The following NAV2 variants were observed in gnomAD, a reference collection of about 807,000 sequenced individuals.
NAV2 encodes the protein helicase, APC down-regulated 1.
In NAV2, 54 loss-of-function variants were observed where a neutral mutation model predicts 223.2. The observed-to-expected ratio is 0.24, with a 90% CI of 0.19 to 0.30. NAV2 has a LOEUF of 0.30. Ranked by LOEUF, NAV2 falls within the 10% of genes least tolerant of loss-of-function variation. The probability of loss-of-function intolerance (pLI) is 1.00; values close to 1 mark genes in which losing one functional copy is unlikely to be tolerated. For synonymous variants in NAV2, 1,279 were observed against 1,239.3 expected (o/e 1.03, Z -0.67); for missense variants, 2,806 against 3,147.5 (o/e 0.89, Z 2.60).
chr11:19,439,175 C>T (rs185366121), intron 1 of NAV2, among the ~76,000 whole-genome samples: 1 of 152,242 alleles, frequency 6.6e-6, no homozygotes, highest in Non-Finnish European at 1.5e-5. Flanking sequence ...ACTCCTATGG[C>T]TCGGGAAGTT....
chr11:19,578,380 G>A (rs536585243), intron 1 of NAV2, among the ~76,000 whole-genome samples: 42 of 152,372 alleles, frequency 2.8e-4, no homozygotes, highest in African/African-American at 9.9e-4. Context: ...AAGCCAGGCA[G>A]TTGCAGATGT....
At chr11:19,708,809 G>A (rs1158882759), upstream of NAV2, among the ~76,000 whole-genome samples, 2 of 150,400 alleles carry the variant, frequency 1.3e-5, no homozygotes, top group Non-Finnish European at 2.9e-5. Context: ...CAAGTTCTGA[G>A]CCAGAAGAAA....
At chr11:20,049,232 A>G (rs760855195) in intron 15 of NAV2, 37 bp downstream of exon 15, 1 of 1,396,110 alleles carries the variant, frequency 7.2e-7, no homozygotes, top group Non-Finnish European at 9.8e-7. Context: ...TCTCAGAAAG[A>G]CACCCTTCCA....
At chr11:19,527,736 T>C (rs1352342441) in intron 1 of NAV2, among the ~76,000 whole-genome samples, 3 of 152,002 alleles carry the variant, frequency 2.0e-5, no homozygotes, top group Non-Finnish European at 1.5e-5. Flanking sequence ...GTATATGATG[T>C]CTTTTTGTCT....
intron 1 of NAV2, among the ~76,000 whole-genome samples, chr11:19,653,520 A>C (rs977935649): frequency 6.6e-6 from 1 of 152,206 alleles, no homozygotes; most frequent in Non-Finnish European, 1.5e-5. Flanking sequence ...AACTCAGGTG[A>C]TGCAGCTTAT....
intron 1 of NAV2, among the ~76,000 whole-genome samples, chr11:19,782,966 G>A (rs1269088051): frequency 6.6e-6 from 1 of 152,228 alleles, no homozygotes; most frequent in Non-Finnish European, 1.5e-5. Flanking sequence ...AGTGGGACAA[G>A]GGTAAGCACC....
chr11:19,747,386 A>G (rs1187746164), intron 1 of NAV2, among the ~76,000 whole-genome samples: 1 of 152,188 alleles, frequency 6.6e-6, no homozygotes, highest in Non-Finnish European at 1.5e-5. Context: ...TAGGAGGAGT[A>G]GGAATAATTA....
intron 1 of NAV2, among the ~76,000 whole-genome samples, chr11:19,465,903 G>A (rs1441538431): frequency 1.3e-5 from 2 of 152,184 alleles, no homozygotes; most frequent in African/African-American, 4.8e-5. Context: ...GAGCTCAGAA[G>A]GGAATCAGTA....
At chr11:19,468,627 T>A (rs1290837583) in intron 1 of NAV2, among the ~76,000 whole-genome samples, 1 of 152,208 alleles carries the variant, frequency 6.6e-6, no homozygotes, top group Non-Finnish European at 1.5e-5. Context: ...TATTTCCAAA[T>A]AAGGTCACTT....
intron 10 of NAV2, among the ~76,000 whole-genome samples, chr11:19,952,715 G>A (rs914961797): frequency 1.3e-5 from 2 of 152,122 alleles, no homozygotes. Flanking sequence ...GCTATTTTTT[G>A]ATGCCTCTAG....
intron 1 of NAV2, among the ~76,000 whole-genome samples, chr11:19,486,564 GCTCGGCACTTCTCT>G (rs2134039402): frequency 6.6e-6 from 1 of 152,212 alleles, no homozygotes; most frequent in Admixed American, 6.5e-5. Flanking sequence ...TATCCCTTTT[GCTCGGCACTTCTCT>G]CTCCTGCCAC....
At chr11:19,469,875 G>T (rs1386639360) in intron 1 of NAV2, among the ~76,000 whole-genome samples, 3 of 152,202 alleles carry the variant, frequency 2.0e-5, no homozygotes, top group Admixed American at 2.0e-4. Context: ...CCCTCACTTT[G>T]CTCCTCTGTC....
intron 1 of NAV2, among the ~76,000 whole-genome samples, chr11:19,411,618 T>C (rs1850148734): frequency 6.6e-6 from 1 of 152,104 alleles, no homozygotes; most frequent in African/African-American, 2.4e-5. Context: ...TATGTGGAGA[T>C]TTCCTTTCCA....
chr11:19,867,760 C>T (rs1436443813), intron 3 of NAV2, among the ~76,000 whole-genome samples: 1 of 152,056 alleles, frequency 6.6e-6, no homozygotes, highest in Admixed American at 6.6e-5. Context: ...TTCAGGTATC[C>T]CATAGCTTAA....
chr11:19,644,991 G>A (rs543003518), intron 1 of NAV2, among the ~76,000 whole-genome samples: 14 of 152,280 alleles, frequency 9.2e-5, no homozygotes, highest in South Asian at 2.1e-4. Flanking sequence ...GAAGGTGGAC[G>A]TATTAGTTTT....
At chr11:19,683,079 G>A (rs1033602772) in intron 1 of NAV2, among the ~76,000 whole-genome samples, 2 of 152,176 alleles carry the variant, frequency 1.3e-5, no homozygotes, top group African/African-American at 4.8e-5. Flanking sequence ...TTCAGTGACT[G>A]CTTTGGTTCA....
chr11:20,030,342 T>A (rs1482162558), intron 11 of NAV2, among the ~76,000 whole-genome samples: 2 of 152,236 alleles, frequency 1.3e-5, no homozygotes, highest in Non-Finnish European at 2.9e-5. Context: ...TTAAAAAATA[T>A]CTTATTTTTA....
chr11:19,670,816 C>A (rs1341740012), intron 1 of NAV2, among the ~76,000 whole-genome samples: 2 of 152,250 alleles, frequency 1.3e-5, no homozygotes, highest in Non-Finnish European at 2.9e-5. Flanking sequence ...AACAACCACG[C>A]AGCCCTTTGT....
intron 1 of NAV2, among the ~76,000 whole-genome samples, chr11:19,580,879 T>G (rs1240821351): frequency 6.6e-6 from 1 of 152,252 alleles, no homozygotes; most frequent in African/African-American, 2.4e-5. Flanking sequence ...TCAAAGTGAC[T>G]GTAATAATTT....
Sources: gnomAD v4.1 joint callset for allele counts (sites outside exome capture counted in the v4.1 genomes callset) on GRCh38, gnomAD v4.1.1 for gene constraint, MANE v1.5 for transcripts, NCBI Gene and HGNC (gene_info 2026-07-23, HGNC 2026-07-21) for gene names.